The following MIA3 variants were observed in gnomAD, a reference collection of about 807,000 sequenced individuals.
MIA3 encodes transport and Golgi organization protein 1 homolog.
MIA3 carries 90 observed loss-of-function variants against 192.4 expected under a neutral mutation model. That is an observed-to-expected ratio of 0.47 (90% CI 0.39 to 0.56). MIA3 has a LOEUF of 0.56. Ranked by LOEUF, MIA3 falls within the 20% of genes least tolerant of loss-of-function variation. MIA3 has a pLI of 0.00. For missense variants in MIA3, 2,123 were observed against 2,269.4 expected (o/e 0.94, Z 1.31); for synonymous variants, 740 against 792.8 (o/e 0.93, Z 1.12).
Position 222,629,014 on chromosome 1 carries a change from C to T in MIA3, c.1794C>T (p.Asp598=), listed in dbSNP as rs754566971. 7.4e-6 allele frequency: 12 copies of T among 1,614,008 alleles called. No individual in the cohort carries two copies. The highest frequency in any genetic ancestry group is 3.3e-5 in the Admixed American group (2 of 59,984). Residue 598 remains aspartate, a synonymous_variant, in exon 4 of 28, where the codon GAC becomes GAT. Transcript: ENST00000344922. ...CATCCAGAGACAGTGTGGAGGGAGA[C>T]GCTTTGGTAAATGGGGCCAAACTGC... The part of the protein sequence containing the change: ...PNASRDSVEG[D]ALVNGAKLHT...
At chr1:222,652,779 T>A (rs1302182916) in intron 13 of MIA3, among the ~76,000 whole-genome samples, 1 of 152,230 alleles carries the variant, frequency 6.6e-6, no homozygotes, top group Non-Finnish European at 1.5e-5. Context: ...TTGGCTACAA[T>A]TTTCTGAAGG....
At chr1:222,644,787 T>C (rs78495749) in intron 6 of MIA3, among the ~76,000 whole-genome samples, 1 of 151,878 alleles carries the variant, frequency 6.6e-6, no homozygotes, top group African/African-American at 2.4e-5. Context: ...TTTTTTTTTT[T>C]ATTGAGTACT....
At chr1:222,653,978 G>C (rs1304670753) in intron 15 of MIA3, among the ~76,000 whole-genome samples, 1 of 152,182 alleles carries the variant, frequency 6.6e-6, no homozygotes, top group African/African-American at 2.4e-5. Context: ...AAGACACTAA[G>C]CCCAGATGGA....
chr1:222,657,752 G>C (rs3008628), intron 18 of MIA3, among the ~76,000 whole-genome samples: 145,924 of 152,324 alleles, frequency 0.96, 69,931 homozygotes, highest in Admixed American at 0.98. Context: ...ACTTACCATA[G>C]CCATACCTTT....
Position 222,658,774 on chromosome 1 carries a change from G to A in MIA3, c.4660G>A (p.Ala1554Thr). 6.2e-7 allele frequency: 1 copy of A among 1,613,372 alleles called. No individual in the cohort carries two copies. The highest frequency in any genetic ancestry group is 8.5e-7 in the Non-Finnish European group (1 of 1,179,598). ...ERQEREHRLS[A>T]ADEKAVSAAE... Reference sequence around the variant, plus strand: ...GCAAGAAAGAGAGCACAGGCTGTCAGCTGCAGATGAAAAGGCAGTTTCGGC... The same window carrying A: ...GCAAGAAAGAGAGCACAGGCTGTCAACTGCAGATGAAAAGGCAGTTTCGGC... Residue 1554 changes from alanine (A) to threonine (T), a missense_variant, in exon 19 of 28, where the codon GCT (alanine) becomes ACT (threonine). By Grantham distance (58) the Ala-to-Thr change is moderately conservative. Coordinates refer to ENST00000344922, the MANE Select transcript of MIA3 (RefSeq NM_198551.4).
chr1:222,656,244 T>A (rs1023863947), intron 18 of MIA3, among the ~76,000 whole-genome samples: 5 of 152,020 alleles, frequency 3.3e-5, no homozygotes, highest in African/African-American at 1.2e-4. Flanking sequence ...AGTGCTGGGA[T>A]TACAGGTGTG....
In MIA3 at chr1:222,627,817, T is replaced by G. The variant is rs763317431; in HGVS notation, c.597T>G (p.Asp199Glu). ...SDSVFSENTE[D>E]LQEQFTTQKH... is the part of the protein sequence containing the mutation. Reference sequence around the variant, plus strand: ...GTGTATTCTCAGAAAACACTGAGGATCTTCAGGAACAGTTTACAACTCAGA... The same window carrying G: ...GTGTATTCTCAGAAAACACTGAGGAGCTTCAGGAACAGTTTACAACTCAGA... The change falls in exon 4 of 28, where the codon GAT becomes GAG. Residue 199 changes from aspartate (D) to glutamate (E), a missense_variant. Transcript: ENST00000344922. 1.9e-6 allele frequency: 3 copies of G among 1,613,988 alleles called. No individual in the cohort carries two copies. Among genetic ancestry groups the G allele is most frequent in the Non-Finnish European group, 2.5e-6 (3 of 1,180,002 alleles).
Position 222,630,146 on chromosome 1 carries a change from G to C in MIA3, c.2926G>C (p.Asp976His). 1 of 1,614,214 alleles carries C rather than the reference G, an allele frequency of 6.2e-7. No homozygotes were observed. The highest frequency in any genetic ancestry group is 8.5e-7 in the Non-Finnish European group (1 of 1,180,034). The change falls in exon 4 of 28, where the codon GAT (aspartate) becomes CAT (histidine). Residue 976 changes from aspartate to histidine, a missense_variant. By Grantham distance (81) the Asp-to-His change is moderately conservative. Coordinates refer to ENST00000344922, the MANE Select transcript of MIA3 (RefSeq NM_198551.4). ...GCCCTATAATATGGAAAAAGTCCTAGATAAGGTCTTCCGTGCTTCTGAGTC... is the reference window on the plus strand; with the variant it reads ...GCCCTATAATATGGAAAAAGTCCTACATAAGGTCTTCCGTGCTTCTGAGTC... ...SLPYNMEKVL[D>H]KVFRASESQI...
In MIA3 at chr1:222,644,235, C is replaced by T. The variant is rs1663009878; in HGVS notation, c.3478-1319C>T. 3.9e-6 allele frequency: 5 copies of T among 1,287,482 alleles called. No individual in the cohort carries two copies. The Admixed American group carries it at 1.3e-4, about 33-fold the overall frequency. 79.8% of individuals were successfully genotyped at this position (1,287,482 alleles called of 1,614,324 possible). On this transcript the variant is annotated intron_variant, in intron 6 of 27. Transcript: ENST00000344922. Reference sequence around the variant, plus strand: ...CGTCCCCTCGATAGTTGGTTCCGTCCGCTCTGGCCCCGCCCTCGCCGGCCG... The same window carrying T: ...CGTCCCCTCGATAGTTGGTTCCGTCTGCTCTGGCCCCGCCCTCGCCGGCCG...
At chr1:222,636,947 G>T (rs1662652359) in intron 6 of MIA3, among the ~76,000 whole-genome samples, 2 of 152,174 alleles carry the variant, frequency 1.3e-5, no homozygotes, top group Non-Finnish European at 2.9e-5. Context: ...AGTCAAGAAA[G>T]TACCGCCAGG....
At chr1:222,644,208 C>T (rs1663007890) in intron 6 of MIA3, 2 of 1,044,156 alleles carry the variant, frequency 1.9e-6, no homozygotes, top group African/African-American at 1.6e-5. Flanking sequence ...GCTCTTCTCT[C>T]CCGTCCCCTC....
intron 6 of MIA3, among the ~76,000 whole-genome samples, chr1:222,633,879 C>T (rs1049794872): frequency 1.5e-4 from 23 of 151,708 alleles, no homozygotes; most frequent in Non-Finnish European, 2.8e-4. Flanking sequence ...GAGACAGGGT[C>T]TTGCTCTGTT....
Position 222,662,492 on chromosome 1 carries a change from T to C in MIA3, c.5262+160T>C, listed in dbSNP as rs544422368. ...CTCCAAGAGCCTGAAGTCCCCTCAG[T>C]TCCCAGCATTACATCTTTGGCTGAG... is the stretch of plus-strand genomic sequence containing the variant. On this transcript the variant is annotated intron_variant, in intron 26 of 27. Transcript: ENST00000344922. The C allele has an allele frequency of 1.4e-5, 20 of 1,445,812 alleles. No individual in the cohort carries two copies. The African/African-American group carries it at 2.3e-4, about 16-fold the overall frequency. The allele number at this position is 1,445,812 out of a possible 1,614,324, so 89.6% of individuals were successfully genotyped here. A position where few individuals can be genotyped will look rare whatever the true frequency, so the allele number is the denominator to read the frequency against.
chr1:222,631,153 A>T (rs1237615379), intron 4 of MIA3, among the ~76,000 whole-genome samples: 4 of 137,098 alleles, frequency 2.9e-5, no homozygotes, highest in South Asian at 2.3e-4. Flanking sequence ...ACAGGCTCTC[A>T]CCCTGTCACC....
In MIA3 at chr1:222,667,185, A is replaced by C. The variant is rs1275433731; in HGVS notation, c.*1566A>C. Reference sequence around the variant, plus strand: ...AGATAAGGACCTTTGAAAGAAGACAACTCTGTCAAAGTTCATAAGGAATAT... The same window carrying C: ...AGATAAGGACCTTTGAAAGAAGACACCTCTGTCAAAGTTCATAAGGAATAT... On this transcript the variant is annotated 3_prime_UTR_variant, in exon 28 of 28. Coordinates refer to ENST00000344922, the MANE Select transcript of MIA3 (RefSeq NM_198551.4). The C allele has an allele frequency of 6.6e-6, 1 of 152,198 alleles. No homozygotes were observed. The highest frequency in any genetic ancestry group is 1.5e-5 in the Non-Finnish European group (1 of 68,024). The allele number at this position is 152,198 out of a possible 1,614,324, so 9.4% of individuals were successfully genotyped here. A position where few individuals can be genotyped will look rare whatever the true frequency, so the allele number is the denominator to read the frequency against.
intron 2 of MIA3, among the ~76,000 whole-genome samples, chr1:222,622,021 G>GA (rs1661893384): frequency 6.6e-6 from 1 of 152,078 alleles, no homozygotes; most frequent in Non-Finnish European, 1.5e-5. Flanking sequence ...TGTTAGCTAG[G>GA]TCTCGATCTC....
At chr1:222,649,159 A>G (rs1663291862) in intron 8 of MIA3, 1 of 209,590 alleles carries the variant, frequency 4.8e-6, no homozygotes, top group African/African-American at 2.3e-5. Context: ...CTAATGATTT[A>G]GTCAGTACAT....
At chr1:222,622,848 T>C (rs1209953691) in intron 2 of MIA3, among the ~76,000 whole-genome samples, 1 of 152,240 alleles carries the variant, frequency 6.6e-6, no homozygotes, top group African/African-American at 2.4e-5. Context: ...CCTGTCAGTC[T>C]TTCTGGGTCA....
chr1:222,660,346 T>G (rs1663949469), intron 24 of MIA3, 32 bp downstream of exon 24: 1 of 1,587,024 alleles, frequency 6.3e-7, no homozygotes, highest in African/African-American at 1.4e-5. Context: ...TGCAATACTC[T>G]TTTGGGTGGC....
Sources: allele counts gnomAD v4.1 joint callset (sites outside exome capture counted in the v4.1 genomes callset), GRCh38; gene constraint gnomAD v4.1.1; transcripts MANE v1.5; gene names NCBI Gene and HGNC (gene_info 2026-07-23, HGNC 2026-07-21).